Variants in PCDH11X observed in about 807,000 individuals in gnomAD.
The protein encoded by PCDH11X is protocadherin 11 X-linked.
In PCDH11X, 18 loss-of-function variants were observed where a neutral mutation model predicts 53.3. The observed-to-expected ratio is 0.34, with a 90% confidence interval of 0.23 to 0.50. The LOEUF (loss-of-function observed/expected upper bound fraction) is 0.50, where lower values mean the gene tolerates loss of function less well. Among genes scored for constraint, PCDH11X ranks in the 20% least tolerant of loss-of-function variants. The pLI, the probability that PCDH11X is intolerant of heterozygous loss-of-function variation, is 0.98. For missense variants in PCDH11X, 570 were observed against 1,032.4 expected (o/e 0.55, Z 6.14); for synonymous variants, 279 against 393.3 (o/e 0.71, Z 3.44).
intron 8 of PCDH11X, among the ~76,000 whole-genome samples, chrX:92,376,041 T>A (rs1431752136): frequency 8.9e-6 from 1 of 111,746 alleles, no homozygotes. Context: ...TGTGTGTGTG[T>A]ATTCTTCCTA....
intron 7 of PCDH11X, among the ~76,000 whole-genome samples, chrX:92,228,781 A>G (rs989354855): frequency 8.9e-6 from 1 of 111,959 alleles, no homozygotes; most frequent in Non-Finnish European, 1.9e-5. Flanking sequence ...AAGAAAGGAC[A>G]TTATCTAGGC....
chrX:92,351,047 G>C (rs1230054496), intron 8 of PCDH11X, among the ~76,000 whole-genome samples: 3 of 111,967 alleles, frequency 2.7e-5, no homozygotes, highest in Non-Finnish European at 5.6e-5. Context: ...GAAAGAACTC[G>C]TGAGATAATT....
intron 6 of PCDH11X, among the ~76,000 whole-genome samples, chrX:92,122,912 G>C (rs1463717286): frequency 1.5e-4 from 17 of 111,009 alleles, no homozygotes; most frequent in Admixed American, 9.7e-5. Flanking sequence ...ACTCCAGCCT[G>C]AGCGACAGAG....
At chrX:91,985,527 TA>T (rs1218503663) in intron 6 of PCDH11X, among the ~76,000 whole-genome samples, 1 of 111,971 alleles carries the variant, frequency 8.9e-6, no homozygotes, top group African/African-American at 3.2e-5. Flanking sequence ...TAAATAAAAA[TA>T]AAAAATAAAT....
rs1200810850 is a variant in PCDH11X at position 92,464,707 on chromosome X, A to G, written c.3344-3592A>G. ...CAGACTCTATGCAATCTACACAAGTACAAAACTGCTACAGTATATTAGTTT... is the reference window on the plus strand; with the variant it reads ...CAGACTCTATGCAATCTACACAAGTGCAAAACTGCTACAGTATATTAGTTT... On this transcript the variant is annotated intron_variant, in intron 9 of 10. Transcript: ENST00000682573. Among the ~76,000 whole-genome samples the G allele has an allele frequency of 6.3e-5, 7 of 111,579 alleles. No homozygotes were observed. The East Asian group carries it at 2.0e-3, about 32-fold the overall frequency.
intron 6 of PCDH11X, among the ~76,000 whole-genome samples, chrX:91,940,070 G>A (rs2061489918): frequency 9.0e-6 from 1 of 110,599 alleles, no homozygotes; most frequent in Non-Finnish European, 1.9e-5. Context: ...TGGATTTCTC[G>A]TGAGTGGTTT....
At chrX:91,892,047 TAGAGAG>T (rs1473514694) in intron 6 of PCDH11X, among the ~76,000 whole-genome samples, 1 of 79,968 alleles carries the variant, frequency 1.3e-5, no homozygotes, top group African/African-American at 4.7e-5. Context: ...GTGTGTGTGT[TAGAGAG>T]AGAGAGAGAA....
intron 6 of PCDH11X, among the ~76,000 whole-genome samples, chrX:92,146,337 G>C (rs773521173): frequency 1.8e-5 from 2 of 110,959 alleles, no homozygotes; most frequent in Non-Finnish European, 3.8e-5. Flanking sequence ...CTTGCTTTTG[G>C]GGGGTGGGGG....
At chrX:92,078,824 A>G (rs2063813450) in intron 6 of PCDH11X, among the ~76,000 whole-genome samples, 1 of 110,690 alleles carries the variant, frequency 9.0e-6, no homozygotes. Flanking sequence ...TCTTGATCTG[A>G]TTGTAGGTGT....
At chrX:92,484,181 GTATATATA>G (rs1174166341) in intron 10 of PCDH11X, among the ~76,000 whole-genome samples, 7 of 22,825 alleles carry the variant, frequency 3.1e-4, no homozygotes, top group African/African-American at 1.3e-3. Flanking sequence ...ATATATGTAT[GTATATATA>G]TGTATATATG....
intron 5 of PCDH11X, among the ~76,000 whole-genome samples, chrX:91,870,811 T>C (rs1939252808): frequency 9.0e-6 from 1 of 110,667 alleles, no homozygotes. Flanking sequence ...AGAGAGATGG[T>C]GTTTTCTTAC....
At chrX:92,462,123 A>G (rs780578628) in intron 9 of PCDH11X, among the ~76,000 whole-genome samples, 1 of 112,080 alleles carries the variant, frequency 8.9e-6, no homozygotes, top group South Asian at 3.7e-4. Flanking sequence ...AAAAACTTCA[A>G]TTATATTCTC....
chrX:92,506,314 T>C (rs1370108335), intron 10 of PCDH11X, among the ~76,000 whole-genome samples: 2 of 101,789 alleles, frequency 2.0e-5, no homozygotes, highest in Admixed American at 2.2e-4. Context: ...TGTCTGGTTC[T>C]GGTTTTCAAG....
chrX:92,245,087 T>A (rs1603228386), intron 7 of PCDH11X, among the ~76,000 whole-genome samples: 1 of 112,456 alleles, frequency 8.9e-6, no homozygotes, highest in East Asian at 2.8e-4. Flanking sequence ...ATCTATATGA[T>A]AGATTCACAA....
chrX:92,400,305 G>C (rs1337012870), intron 9 of PCDH11X, among the ~76,000 whole-genome samples: 1 of 111,431 alleles, frequency 9.0e-6, no homozygotes. Flanking sequence ...AACTCAAGCA[G>C]ATTAAGAATT....
chrX:92,416,380 T>C (rs1333822521), intron 9 of PCDH11X, among the ~76,000 whole-genome samples: 1 of 111,152 alleles, frequency 9.0e-6, no homozygotes, highest in Non-Finnish European at 1.9e-5. Flanking sequence ...CCATTCTCCA[T>C]GATGTAATTA....
chrX:91,867,916 G>A (rs1939081212), intron 5 of PCDH11X, among the ~76,000 whole-genome samples: 1 of 111,589 alleles, frequency 9.0e-6, no homozygotes, highest in Non-Finnish European at 1.9e-5. Context: ...AAATGTTCAA[G>A]GGAAAAAAGA....
intron 8 of PCDH11X, 28 bp downstream of exon 8, chrX:92,263,171 G>C: frequency 8.7e-7 from 1 of 1,149,421 alleles, no homozygotes; most frequent in Non-Finnish European, 1.2e-6. Flanking sequence ...AAAGAAAATT[G>C]ATTTTGAAAT....
chrX:92,494,844 T>A (rs1326848858), intron 10 of PCDH11X, among the ~76,000 whole-genome samples: 4 of 92,001 alleles, frequency 4.3e-5, no homozygotes, highest in Non-Finnish European at 8.6e-5. Context: ...TTTACAGTTG[T>A]TTATAGAGAC....
Sources: gnomAD v4.1 joint callset for allele counts (sites outside exome capture counted in the v4.1 genomes callset) on GRCh38, gnomAD v4.1.1 for gene constraint, MANE v1.5 for transcripts, NCBI Gene and HGNC (gene_info 2026-07-23, HGNC 2026-07-21) for gene names.